The following ZFTRAF1 variants were observed in gnomAD, a reference collection of about 807,000 sequenced individuals.
ZFTRAF1 encodes the protein zinc finger TRAF-type and ring finger containing 1.
chr8:144,459,220 G>T, the ZFTRAF1 span, among the ~76,000 whole-genome samples: 1 of 152,248 alleles, frequency 6.6e-6, no homozygotes, highest in Non-Finnish European at 1.5e-5. Context: ...CCCTCGGGCC[G>T]CAGAGCAGGG....
At chr8:144,454,854 G>A in the ZFTRAF1 span, 1 of 152,338 alleles carries the variant, frequency 6.6e-6, no homozygotes, top group South Asian at 2.1e-4. Flanking sequence ...GGAGCTGTCA[G>A]ACGCTGGGGC....
the ZFTRAF1 span, chr8:144,451,980 G>A: frequency 3.0e-6 from 1 of 328,658 alleles, no homozygotes. Context: ...AGGGTCCGAG[G>A]GGCAGGCCCC....
the ZFTRAF1 span, chr8:144,450,650 C>T: frequency 1.4e-6 from 1 of 717,860 alleles, no homozygotes; most frequent in Non-Finnish European, 2.6e-6. Context: ...GTTGGGGTTA[C>T]GCTCCGAGTC....
chr8:144,452,064 A>C, the ZFTRAF1 span: 1 of 458,258 alleles, frequency 2.2e-6, no homozygotes, highest in Non-Finnish European at 4.1e-6. Context: ...GGAGCCCCAC[A>C]GTGAGATGCC....
chr8:144,459,869 G>T, the ZFTRAF1 span, among the ~76,000 whole-genome samples: 3 of 152,214 alleles, frequency 2.0e-5, no homozygotes, highest in Non-Finnish European at 2.9e-5. Flanking sequence ...ACAGAGGGTG[G>T]AACCTGCTGC....
the ZFTRAF1 span, chr8:144,450,709 G>A: frequency 2.8e-6 from 2 of 716,770 alleles, no homozygotes; most frequent in African/African-American, 3.5e-5. Context: ...CTGTGAACCT[G>A]GGCGTCTCAT....
the ZFTRAF1 span, among the ~76,000 whole-genome samples, chr8:144,460,316 G>A: frequency 6.6e-6 from 1 of 152,374 alleles, no homozygotes; most frequent in Non-Finnish European, 1.5e-5. Context: ...GCCCAGAGCA[G>A]AACTCCACTC....
At chr8:144,455,462 G>A in the ZFTRAF1 span, 3 of 152,264 alleles carry the variant, frequency 2.0e-5, no homozygotes, top group Admixed American at 6.5e-5. Flanking sequence ...GGTCAGTGGT[G>A]GGTGGACTAC....
At chr8:144,458,647 G>A in the ZFTRAF1 span, among the ~76,000 whole-genome samples, 1 of 152,322 alleles carries the variant, frequency 6.6e-6, no homozygotes, top group African/African-American at 2.4e-5. Context: ...AGAGACATGG[G>A]CGCTACAGGC....
At chr8:144,452,275 C>G in the ZFTRAF1 span, 1 of 1,456,578 alleles carries the variant, frequency 6.9e-7, no homozygotes, top group Non-Finnish European at 9.3e-7. Context: ...GCCCAGTGCC[C>G]AGAGCCTGCT....
chr8:144,455,042 C>T, the ZFTRAF1 span: 3 of 152,220 alleles, frequency 2.0e-5, no homozygotes, highest in East Asian at 5.8e-4. Context: ...AAATTACAGG[C>T]GGTGGCTCAT....
the ZFTRAF1 span, among the ~76,000 whole-genome samples, chr8:144,458,570 G>A: frequency 1.3e-5 from 2 of 151,906 alleles, no homozygotes; most frequent in South Asian, 4.2e-4. Context: ...GGGGGTGTGG[G>A]GCTCGGGCAG....
the ZFTRAF1 span, among the ~76,000 whole-genome samples, chr8:144,459,653 C>T: frequency 6.6e-6 from 1 of 152,352 alleles, no homozygotes; most frequent in East Asian, 1.9e-4. Flanking sequence ...ATGACAAGCT[C>T]TCGAGTTACT....
the ZFTRAF1 span, chr8:144,453,203 G>A: frequency 9.0e-6 from 14 of 1,547,494 alleles, no homozygotes; most frequent in South Asian, 1.5e-4. Flanking sequence ...GTAAGGCTAA[G>A]CCCCTGACCC....
At chr8:144,450,373 C>T in the ZFTRAF1 span, 2 of 711,614 alleles carry the variant, frequency 2.8e-6, no homozygotes, top group South Asian at 1.5e-5. Context: ...ATCCTGAGGC[C>T]CCGCCCTACT....
At chr8:144,450,508 A>G in the ZFTRAF1 span, 1 of 718,396 alleles carries the variant, frequency 1.4e-6, no homozygotes, top group East Asian at 2.7e-5. Flanking sequence ...TGGTGAAGAC[A>G]AAGTGGTAGA....
the ZFTRAF1 span, among the ~76,000 whole-genome samples, chr8:144,461,595 G>A: frequency 2.6e-5 from 4 of 152,202 alleles, no homozygotes; most frequent in Non-Finnish European, 4.4e-5. Context: ...GTGGGCAGGA[G>A]CCTAGCGTGG....
the ZFTRAF1 span, among the ~76,000 whole-genome samples, chr8:144,461,727 A>C: frequency 6.6e-6 from 1 of 152,200 alleles, no homozygotes; most frequent in Non-Finnish European, 1.5e-5. Context: ...ACTGTTCTTC[A>C]GGATGAACTG....
At chr8:144,459,540 C>T in the ZFTRAF1 span, among the ~76,000 whole-genome samples, 2 of 152,244 alleles carry the variant, frequency 1.3e-5, no homozygotes, top group African/African-American at 4.8e-5. Context: ...CATCATCGTA[C>T]GGGCACAGGC....
Sources: allele counts gnomAD v4.1 joint callset (sites outside exome capture counted in the v4.1 genomes callset), GRCh38; gene constraint gnomAD v4.1.1; transcripts MANE v1.5; gene names NCBI Gene and HGNC (gene_info 2026-07-23, HGNC 2026-07-21).